UBR4: variants seen among roughly 807,000 people sequenced by gnomAD.
UBR4 encodes the protein E3 ubiquitin-protein ligase UBR4.
In UBR4, 124 loss-of-function variants were observed where a neutral mutation model predicts 575.6. The ratio of observed to expected loss-of-function variants is 0.22; its 90% CI spans 0.19 to 0.25. The LOEUF is 0.25. UBR4 is among the 10% of genes least tolerant of loss of function. The probability of loss-of-function intolerance (pLI) is 1.00; values close to 1 mark genes in which losing one functional copy is unlikely to be tolerated. For synonymous variants in UBR4, 2,455 were observed against 2,473.7 expected, an observed-to-expected ratio of 0.99 and a Z score of 0.22; for missense variants, 4,818 against 6,478.8, an observed-to-expected ratio of 0.74 and a Z score of 8.80.
At chr1:19,143,534 TA>T (rs1160641590) in intron 55 of UBR4, among the ~76,000 whole-genome samples, 2 of 152,224 alleles carry the variant, frequency 1.3e-5, no homozygotes, top group African/African-American at 4.8e-5. Context: ...TTATTGTAGG[TA>T]AGTCCACTAA....
At chr1:19,129,691 G>T (rs2082210842) in intron 60 of UBR4, among the ~76,000 whole-genome samples, 1 of 152,208 alleles carries the variant, frequency 6.6e-6, no homozygotes, top group Admixed American at 6.5e-5. Context: ...GCCTTCATCT[G>T]CAGATATACA....
At chr1:19,160,772 AATAC>A (rs2087212093) in intron 38 of UBR4, 141 bp downstream of exon 38, 1 of 778,810 alleles carries the variant, frequency 1.3e-6, no homozygotes, top group Admixed American at 2.3e-5. Context: ...TCGTGACGAC[AATAC>A]ATAGTATTTG....
At position 19,117,071 on chromosome 1, in the gene UBR4, C is replaced by G; in HGVS notation, c.10823+150G>C. The G allele has an allele frequency of 1.2e-6, 1 of 807,840 alleles. No individual in the cohort carries two copies. Among genetic ancestry groups the G allele is most frequent in the Non-Finnish European group, 2.0e-6 (1 of 510,612 alleles). The allele number at this position is 807,840 out of a possible 1,614,324, so 50.0% of individuals were successfully genotyped here. On this transcript the variant is annotated intron_variant, in intron 73 of 105. Transcript: ENST00000375254. This position sits in a 1 kb window ranked among gnomAD's most constrained non-coding sequence, Gnocchi z 4.0. Reference sequence around the variant, plus strand: ...CAACATGCTTAGAACTGTTGTTTCACTTTTGTCCTTTGGTCATGAATGGAG... The same window carrying G: ...CAACATGCTTAGAACTGTTGTTTCAGTTTTGTCCTTTGGTCATGAATGGAG...
Position 19,153,193 on chromosome 1 carries a change from T to G in UBR4, c.6832+108A>C. Reference sequence around the variant, plus strand: ...AAATTAACTTTACAAAATGTGCAAGTAGGACAGTCACATTTCTTCACAGAT... The same window carrying G: ...AAATTAACTTTACAAAATGTGCAAGGAGGACAGTCACATTTCTTCACAGAT... On this transcript the variant is annotated intron_variant, in intron 46 of 105. Transcript: ENST00000375254. This position sits in a 1 kb window ranked among gnomAD's most constrained non-coding sequence, Gnocchi z 4.1. 1 of 1,272,316 alleles carries G rather than the reference T, an allele frequency of 7.9e-7. No homozygotes were observed. Among genetic ancestry groups the G allele is most frequent in the Non-Finnish European group, 1.1e-6 (1 of 899,184 alleles). The allele number at this position is 1,272,316 out of a possible 1,614,324, so 78.8% of individuals were successfully genotyped here.
chr1:19,175,551 A>G (rs1388833510), intron 20 of UBR4, among the ~76,000 whole-genome samples: 2 of 152,174 alleles, frequency 1.3e-5, no homozygotes, highest in Non-Finnish European at 1.5e-5. Context: ...TGAACACAAC[A>G]AACACTTCAT....
Position 19,117,200 on chromosome 1 carries a change from C to A in UBR4, c.10823+21G>T. 6.2e-7 allele frequency: 1 copy of A among 1,608,082 alleles called. No homozygotes were observed. The highest frequency in any genetic ancestry group is 8.5e-7 in the Non-Finnish European group (1 of 1,175,824). ...CAGCCTTACAACCTGCTGCCCCTCC[C>A]GAGGCCTAAAAAGCCCGTACTTGTT... is the stretch of plus-strand genomic sequence containing the variant. On this transcript the variant is annotated intron_variant, in intron 73 of 105. Transcript: ENST00000375254. The surrounding 1 kb of genome is among the most constrained non-coding windows in gnomAD (Gnocchi z 4.0).
At chr1:19,202,554 C>T (rs1043495596) in intron 1 of UBR4, among the ~76,000 whole-genome samples, 2 of 152,102 alleles carry the variant, frequency 1.3e-5, no homozygotes, top group Non-Finnish European at 2.9e-5. Flanking sequence ...ATGATCAGTG[C>T]TAAAGTCCAA....
At chr1:19,198,775 C>T (rs1423012085) in intron 4 of UBR4, 24 bp downstream of exon 4, 1 of 1,613,994 alleles carries the variant, frequency 6.2e-7, no homozygotes, top group Admixed American at 1.7e-5. Context: ...GTCATGTGAT[C>T]AGATCTGTCA....
rs1253871923 is a variant in UBR4 at position 19,164,280 on chromosome 1, T to C, written c.4673A>G (p.Asn1558Ser). Residue 1558 changes from asparagine (N) to serine (S), a missense_variant, in exon 33 of 106, where the codon AAT (asparagine) becomes AGT (serine). This residue lies in a region of UBR4 where 1,172 missense variants were observed against 1,259.7 expected (regional missense o/e 0.93). Coordinates refer to ENST00000375254, the MANE Select transcript of UBR4 (RefSeq NM_020765.3). The stretch of plus-strand genomic sequence containing the variant: ...TCTGCTCAGCCAATCCACAGCAGCA[T>C]TATGAAGCTGAAGGTGACCAGCACC... ...GQGAGHLQLH[N>S]AAVDWLSRCK... 21 of 1,613,902 alleles carry C rather than the reference T, an allele frequency of 1.3e-5. No homozygotes were observed. The highest frequency in any genetic ancestry group is 1.7e-5 in the Non-Finnish European group (20 of 1,179,918).
chr1:19,086,974 C>G (rs1439637791), intron 99 of UBR4, among the ~76,000 whole-genome samples, 153 bp from the exon 100 acceptor site: 1 of 152,224 alleles, frequency 6.6e-6, no homozygotes, highest in African/African-American at 2.4e-5. Flanking sequence ...GTAAGGCCAG[C>G]CCCTCAGTCT....
At position 19,094,061 on chromosome 1, in the gene UBR4, T is replaced by C; in HGVS notation, c.13825A>G (p.Asn4609Asp). 1.2e-6 allele frequency: 2 copies of C among 1,614,138 alleles called. No individual in the cohort carries two copies. Among genetic ancestry groups the C allele is most frequent in the South Asian group, 2.2e-5 (2 of 91,076 alleles). ...AGCAGGCCCTGGAGCACACTGGGGT[T>C]GGAGCGAACAAAGGTGCTGTTGATC... Reference protein sequence around the residue: ...DQINSTFVRSNPSVLQGLLRI... With the variant: ...DQINSTFVRSDPSVLQGLLRI... The change falls in exon 95 of 106, where the codon AAC (asparagine) becomes GAC (aspartate). Residue 4609 changes from asparagine to aspartate, a missense_variant. Physicochemically the swap from Asn to Asp is conservative, Grantham distance 23. Transcript: ENST00000375254.
At chr1:19,125,306 T>C (rs1447551581) in intron 64 of UBR4, among the ~76,000 whole-genome samples, 1 of 152,224 alleles carries the variant, frequency 6.6e-6, no homozygotes, top group African/African-American at 2.4e-5. Flanking sequence ...CAGTTATTCA[T>C]CAGTTCTGTA....
At position 19,144,789 on chromosome 1, in the gene UBR4, A is replaced by C; in HGVS notation, c.8064T>G (p.Cys2688Trp). 1 of 1,614,166 alleles carries C rather than the reference A, an allele frequency of 6.2e-7. No individual in the cohort carries two copies. ...ASKIYMQMLL[C>W]PDPAVSFSCK... ...CTGGGATTGTAATGCTACGTACAGGACACAAGAGCATCTGCATGTAGATCT... is the reference window on the plus strand; with the variant it reads ...CTGGGATTGTAATGCTACGTACAGGCCACAAGAGCATCTGCATGTAGATCT... Residue 2688 changes from cysteine (C) to tryptophan (W), a missense_variant, in exon 54 of 106, where the codon TGT becomes TGG. Physicochemically the swap from Cys to Trp is radical, Grantham distance 215. Transcript: ENST00000375254.
chr1:19,096,528 G>T lies in UBR4; in HGVS notation c.13513C>A (p.Leu4505Ile). Residue 4505 changes from leucine (L) to isoleucine (I), a missense_variant, in exon 92 of 106, where the codon CTA becomes ATA. This residue lies in a region of UBR4 where 165 missense variants were observed against 282.3 expected (regional missense o/e 0.58). Coordinates refer to ENST00000375254, the MANE Select transcript of UBR4 (RefSeq NM_020765.3). Reference sequence around the variant, plus strand: ...ACTTGCTGCCCCCAACTCACTGTTAGAAGGTGGCGTCCCTGCTTGAAATCT... The same window carrying T: ...ACTTGCTGCCCCCAACTCACTGTTATAAGGTGGCGTCCCTGCTTGAAATCT... ...IRDFKQGRHL[L>I]TVLLKLFSYC... 6.2e-7 allele frequency: 1 copy of T among 1,612,938 alleles called. No homozygotes were observed. Among genetic ancestry groups the T allele is most frequent in the Non-Finnish European group, 8.5e-7 (1 of 1,179,504 alleles).
intron 29 of UBR4, 132 bp downstream of exon 29, chr1:19,166,890 T>A: frequency 1.0e-6 from 1 of 1,000,606 alleles, no homozygotes; most frequent in Non-Finnish European, 1.5e-6. Context: ...AGCGAGACCA[T>A]GTCTCAGAAT....
chr1:19,113,591 C>T, intron 77 of UBR4, 108 bp downstream of exon 77: 1 of 1,524,274 alleles, frequency 6.6e-7, no homozygotes, highest in East Asian at 2.3e-5. Flanking sequence ...TGGGCAGGGA[C>T]AACACCAAGA....
chr1:19,170,962 GA>G, intron 25 of UBR4, 79 bp from the exon 26 acceptor site: 1 of 1,596,592 alleles, frequency 6.3e-7, no homozygotes, highest in Non-Finnish European at 8.6e-7. Context: ...TAGACTGGCT[GA>G]AAACCCTATA....
rs2079240956 is a variant in UBR4 at position 19,106,713 on chromosome 1, A to G, written c.12249T>C (p.Asn4083=). 2.5e-6 allele frequency: 4 copies of G among 1,599,704 alleles called. No individual in the cohort carries two copies. The highest frequency in any genetic ancestry group is 3.4e-6 in the Non-Finnish European group (4 of 1,172,186). Residue 4083 remains asparagine (N), a synonymous_variant, in exon 83 of 106, where the codon AAT becomes AAC. Transcript: ENST00000375254. ...GCTCTGATTTGCTGGGGGCTTTCCC[A>G]TTGCCATCTATCCCTGCAAGGCCAA... is the stretch of plus-strand genomic sequence containing the variant. ...KCLPIRGIDG[N]GKAPSKSELR... is the part of the protein sequence containing the mutation.
At chr1:19,107,621 C>A (rs777552294) in intron 81 of UBR4, among the ~76,000 whole-genome samples, 2 of 151,814 alleles carry the variant, frequency 1.3e-5, no homozygotes, top group Non-Finnish European at 2.9e-5. Context: ...CATTTCGATA[C>A]AAAATACAAA....
Sources: allele counts gnomAD v4.1 joint callset (sites outside exome capture counted in the v4.1 genomes callset), GRCh38; gene constraint gnomAD v4.1.1; regional missense constraint gnomAD v4.1.1; non-coding constraint Gnocchi (gnomAD v3.1); transcripts MANE v1.5; gene names NCBI Gene and HGNC (gene_info 2026-07-23, HGNC 2026-07-21).